Variants in ZDHHC2 observed in about 807,000 individuals in gnomAD.
The protein encoded by ZDHHC2 is palmitoyltransferase ZDHHC2.
A neutral mutation model predicts 55.6 loss-of-function variants in ZDHHC2; 51 were observed. That is an observed-to-expected ratio of 0.92 (90% CI 0.73 to 1.16). ZDHHC2 has a LOEUF of 1.16. ZDHHC2 is among the 50% of genes most tolerant of loss of function. ZDHHC2 has a pLI of 0.00. For synonymous variants in ZDHHC2, 199 were observed against 152.9 expected, an observed-to-expected ratio of 1.30 and a Z score of -2.22; for missense variants, 491 against 442.4, an observed-to-expected ratio of 1.11 and a Z score of -0.99.
chr8:17,198,392 A>G lies in ZDHHC2; in HGVS notation c.455A>G (p.Lys152Arg). ...HCSVCDKCILKMDHHCPWVNN... is the reference protein window; with the variant it reads ...HCSVCDKCILRMDHHCPWVNN... ...GCTTTGTTTTTTAGATGTATTTTGA[A>G]GATGGATCATCATTGTCCATGGTGA... The change falls in exon 6 of 13, where the codon AAG (lysine) becomes AGG (arginine). Residue 152 changes from lysine to arginine, a missense_variant. Lys to Arg is a conservative substitution (Grantham distance 26). Transcript: ENST00000262096. 1.2e-6 allele frequency: 2 copies of G among 1,603,204 alleles called. No homozygotes were observed. The highest frequency in any genetic ancestry group is 1.7e-6 in the Non-Finnish European group (2 of 1,175,076).
chr8:17,208,113 G>C, intron 8 of ZDHHC2, 21 bp downstream of exon 8: 1 of 1,533,814 alleles, frequency 6.5e-7, no homozygotes, highest in Non-Finnish European at 8.8e-7. Flanking sequence ...AATTATTGTA[G>C]TTGACAGAAC....
chr8:17,207,237 C>G (rs931963816), intron 7 of ZDHHC2, among the ~76,000 whole-genome samples: 1 of 152,166 alleles, frequency 6.6e-6, no homozygotes, highest in African/African-American at 2.4e-5. Flanking sequence ...AGCCATGGTG[C>G]TTCGATAGGT....
intron 1 of ZDHHC2, 58 bp downstream of exon 1, chr8:17,156,911 C>A (rs1292194763): frequency 1.5e-5 from 21 of 1,426,730 alleles, no homozygotes; most frequent in Non-Finnish European, 1.9e-5. Context: ...CCGACTGTCC[C>A]GGGACGCTCA....
chr8:17,205,841 C>G, intron 7 of ZDHHC2, 66 bp downstream of exon 7: 2 of 1,451,462 alleles, frequency 1.4e-6, no homozygotes, highest in Non-Finnish European at 1.8e-6. Flanking sequence ...CTTTTCAGAA[C>G]AGAATTATTT....
At chr8:17,157,633 A>C (rs1022374100) in intron 1 of ZDHHC2, 1 of 152,242 alleles carries the variant, frequency 6.6e-6, no homozygotes, top group African/African-American at 2.4e-5. Flanking sequence ...ATTATTATGC[A>C]CAAGTAGGGA....
At chr8:17,182,922 G>A (rs1479303714) in intron 1 of ZDHHC2, among the ~76,000 whole-genome samples, 1 of 152,162 alleles carries the variant, frequency 6.6e-6, no homozygotes, top group Non-Finnish European at 1.5e-5. Context: ...CACCACACCT[G>A]ATTAATTTTC....
intron 1 of ZDHHC2, chr8:17,157,342 G>T (rs1804113045): frequency 2.6e-5 from 4 of 153,274 alleles, no homozygotes; most frequent in African/African-American, 9.6e-5. Flanking sequence ...ACAGCGCTCA[G>T]GGGCGTTTTT....
chr8:17,179,557 TGCC>T (rs1233237209), intron 1 of ZDHHC2, among the ~76,000 whole-genome samples: 2 of 151,952 alleles, frequency 1.3e-5, no homozygotes, highest in Non-Finnish European at 2.9e-5. Flanking sequence ...CCACAGGCAG[TGCC>T]ACCACACCCA....
At chr8:17,198,828 T>C (rs1806460961) in intron 6 of ZDHHC2, among the ~76,000 whole-genome samples, 1 of 152,206 alleles carries the variant, frequency 6.6e-6, no homozygotes, top group Non-Finnish European at 1.5e-5. Context: ...GAATTTGACA[T>C]TAAGGAGTAG....
chr8:17,214,964 G>A (rs1807574166), intron 10 of ZDHHC2, among the ~76,000 whole-genome samples: 1 of 152,042 alleles, frequency 6.6e-6, no homozygotes, highest in Admixed American at 6.6e-5. Context: ...CTAAAGCCTG[G>A]GGCTGAAGAC....
chr8:17,197,482 T>G (rs1240429038), intron 4 of ZDHHC2, 100 bp from the exon 5 acceptor site: 1 of 1,019,316 alleles, frequency 9.8e-7, no homozygotes, highest in African/African-American at 1.6e-5. Flanking sequence ...AAATTTCATA[T>G]GCTTTTTAAA....
At chr8:17,218,239 A>T (rs1404394583) in intron 12 of ZDHHC2, among the ~76,000 whole-genome samples, 1 of 152,204 alleles carries the variant, frequency 6.6e-6, no homozygotes, top group Non-Finnish European at 1.5e-5. Context: ...AATTTGATTA[A>T]ATAGCAAAGA....
intron 1 of ZDHHC2, among the ~76,000 whole-genome samples, chr8:17,165,265 G>A (rs916201814): frequency 2.0e-5 from 3 of 152,160 alleles, no homozygotes; most frequent in African/African-American, 7.2e-5. Flanking sequence ...AACTCCATGT[G>A]ACCTGTTTTA....
At chr8:17,214,132 A>G (rs1408608184) in intron 10 of ZDHHC2, among the ~76,000 whole-genome samples, 1 of 152,182 alleles carries the variant, frequency 6.6e-6, no homozygotes, top group African/African-American at 2.4e-5. Flanking sequence ...ATTTCAGAAC[A>G]TTATAAAACA....
At chr8:17,164,371 A>G (rs757155687) in intron 1 of ZDHHC2, among the ~76,000 whole-genome samples, 14 of 152,154 alleles carry the variant, frequency 9.2e-5, no homozygotes, top group Non-Finnish European at 1.6e-4. Flanking sequence ...TATTGATTGG[A>G]TTACATTTTT....
At position 17,197,074 on chromosome 8, in the gene ZDHHC2, G is replaced by C. The variant is rs150691034; in HGVS notation, c.374-508G>C. Among the ~76,000 whole-genome samples, 339 of 152,146 alleles carry C rather than the reference G, an allele frequency of 2.2e-3. 2 individuals are homozygous for C. The highest frequency in any genetic ancestry group is 7.7e-3 in the African/African-American group (318 of 41,492). ...CAGAGATGTGCTTATATATGTTTAG[G>C]TATATTTACCCTGTAAGGCTAAACA... On this transcript the variant is annotated intron_variant, in intron 4 of 12. Transcript: ENST00000262096.
At chr8:17,158,466 A>G (rs1479741756) in intron 1 of ZDHHC2, among the ~76,000 whole-genome samples, 1 of 152,238 alleles carries the variant, frequency 6.6e-6, no homozygotes, top group East Asian at 1.9e-4. Context: ...GTCCATTAAG[A>G]GGAAGCATTT....
rs1807969009 is a variant in ZDHHC2, at chr8:17,222,606, T to C, written c.*2385T>C. 1 of 151,890 alleles carries C rather than the reference T, an allele frequency of 6.6e-6. No individual in the cohort carries two copies. The highest frequency in any genetic ancestry group is 1.5e-5 in the Non-Finnish European group (1 of 67,798). 9.4% of individuals were successfully genotyped at this position (151,890 alleles called of 1,614,324 possible). A position where few individuals can be genotyped will look rare whatever the true frequency, so the allele number is the denominator to read the frequency against. ...CATATACGTTAGTTATTTGCTATTA[T>C]GTAGGGAAGAGGATTGTTATTTCAA... On this transcript the variant is annotated 3_prime_UTR_variant, in exon 13 of 13. Coordinates refer to ENST00000262096, the MANE Select transcript of ZDHHC2 (RefSeq NM_016353.5).
At chr8:17,173,553 C>T (rs950254233) in intron 1 of ZDHHC2, among the ~76,000 whole-genome samples, 11 of 151,120 alleles carry the variant, frequency 7.3e-5, no homozygotes, top group Non-Finnish European at 1.5e-4. Flanking sequence ...CATGGTGGCA[C>T]GCATCTGTGG....
Sources: allele counts gnomAD v4.1 joint callset (sites outside exome capture counted in the v4.1 genomes callset), GRCh38; gene constraint gnomAD v4.1.1; transcripts MANE v1.5; gene names NCBI Gene and HGNC (gene_info 2026-07-23, HGNC 2026-07-21).